Variants in KPNA5 observed in about 807,000 individuals in gnomAD.
KPNA5 encodes karyopherin subunit alpha 5, also known as importin subunit alpha-6.
Under a neutral mutation model 71.3 loss-of-function variants are expected in KPNA5, and 46 were observed. The observed-to-expected ratio is 0.65, with a 90% CI of 0.51 to 0.83. The LOEUF (loss-of-function observed/expected upper bound fraction) is 0.83. Ranked by LOEUF, KPNA5 falls within the 40% of genes least tolerant of loss-of-function variation. The pLI, the probability that KPNA5 is intolerant of heterozygous loss-of-function variation, is 0.00. For synonymous variants in KPNA5, 207 were observed against 201.4 expected (o/e 1.03, Z -0.24); for missense variants, 547 against 628.3 (o/e 0.87, Z 1.38).
chr6:116,719,173 C>T (rs182700273), intron 8 of KPNA5, among the ~76,000 whole-genome samples: 2 of 152,238 alleles, frequency 1.3e-5, no homozygotes, highest in African/African-American at 4.8e-5. Flanking sequence ...GAATTCTGTT[C>T]TTTTATGGAC....
intron 7 of KPNA5, among the ~76,000 whole-genome samples, chr6:116,710,046 A>T (rs1316088505): frequency 6.6e-6 from 1 of 152,204 alleles, no homozygotes; most frequent in East Asian, 1.9e-4. Context: ...GGCATGAGTC[A>T]CTGTGCCTGA....
rs1203542175 is a variant in KPNA5, at chr6:116,735,630, T to G, written c.*3307T>G. ...ACTATATTAAAAATAATAAAATATTTTAAAATTGCATTTATATAAATGTGT... is the reference window on the plus strand; with the variant it reads ...ACTATATTAAAAATAATAAAATATTGTAAAATTGCATTTATATAAATGTGT... On this transcript the variant is annotated 3_prime_UTR_variant, in exon 14 of 14. Transcript: ENST00000368564. 4 of 151,760 alleles carry G rather than the reference T, an allele frequency of 2.6e-5. No individual in the cohort carries two copies. The highest frequency in any genetic ancestry group is 5.9e-5 in the Non-Finnish European group (4 of 67,742). 9.4% of individuals were successfully genotyped at this position (151,760 alleles called of 1,614,324 possible). A position where few individuals can be genotyped will look rare whatever the true frequency, so the allele number is the denominator to read the frequency against.
At chr6:116,698,369 A>G (rs1275034949) in intron 4 of KPNA5, among the ~76,000 whole-genome samples, 1 of 152,064 alleles carries the variant, frequency 6.6e-6, no homozygotes, top group African/African-American at 2.4e-5. Context: ...ATTAGTGGAA[A>G]CTTAATTCCT....
chr6:116,706,027 G>GT (rs1317525884), intron 7 of KPNA5, among the ~76,000 whole-genome samples: 2 of 152,200 alleles, frequency 1.3e-5, no homozygotes, highest in Non-Finnish European at 2.9e-5. Flanking sequence ...TGGGCTTAAA[G>GT]TTAATGGTCC....
At chr6:116,726,770 C>A in intron 12 of KPNA5, 148 bp downstream of exon 12, 1 of 720,460 alleles carries the variant, frequency 1.4e-6, no homozygotes, top group Non-Finnish European at 2.1e-6. Flanking sequence ...ATCAGTTACT[C>A]ATTCACAATT....
chr6:116,701,237 A>C (rs887298734), intron 5 of KPNA5, among the ~76,000 whole-genome samples: 1 of 152,176 alleles, frequency 6.6e-6, no homozygotes, highest in African/African-American at 2.4e-5. Flanking sequence ...AATATTAAAA[A>C]AATTTTTTTC....
At chr6:116,701,662 T>G (rs1201475733) in intron 5 of KPNA5, among the ~76,000 whole-genome samples, 2 of 152,168 alleles carry the variant, frequency 1.3e-5, no homozygotes, top group Non-Finnish European at 1.5e-5. Flanking sequence ...GTAGTGTCTC[T>G]TATTTATTTT....
At chr6:116,722,596 A>G (rs932933922) in intron 9 of KPNA5, among the ~76,000 whole-genome samples, 1 of 152,212 alleles carries the variant, frequency 6.6e-6, no homozygotes. Flanking sequence ...GTTGTGTGAG[A>G]CATTAATGAA....
rs1387620552 is a variant in KPNA5 at position 116,737,252 on chromosome 6, A to G, written c.*4929A>G. ...TCTATTACCCTATGAATTACAAGGG[A>G]TTTTCACTTTGGCTAGTGGAACTTA... is the stretch of plus-strand genomic sequence containing the variant. On this transcript the variant is annotated 3_prime_UTR_variant, in exon 14 of 14. Transcript: ENST00000368564. 1 of 151,818 alleles carries G rather than the reference A, an allele frequency of 6.6e-6. No individual in the cohort carries two copies. The highest frequency in any genetic ancestry group is 1.5e-5 in the Non-Finnish European group (1 of 67,910). 9.4% of individuals were successfully genotyped at this position (151,818 alleles called of 1,614,324 possible). A position where few individuals can be genotyped will look rare whatever the true frequency, so the allele number is the denominator to read the frequency against.
intron 13 of KPNA5, among the ~76,000 whole-genome samples, chr6:116,730,113 GTTTTAC>G (rs1217198059): frequency 7.9e-6 from 1 of 126,192 alleles, no homozygotes; most frequent in Non-Finnish European, 1.6e-5. Flanking sequence ...TTGAGACACA[GTTTTAC>G]TCCGTCTCCC....
chr6:116,687,392 A>T (rs1333355143), intron 1 of KPNA5, among the ~76,000 whole-genome samples: 1 of 152,196 alleles, frequency 6.6e-6, no homozygotes, highest in African/African-American at 2.4e-5. Context: ...ACCAGATGTT[A>T]AGGGTCAGGG....
chr6:116,690,848 T>C (rs1777772702), intron 2 of KPNA5, among the ~76,000 whole-genome samples: 1 of 152,220 alleles, frequency 6.6e-6, no homozygotes, highest in Non-Finnish European at 1.5e-5. Flanking sequence ...CATCCTCTTG[T>C]ATATTTTGAG....
In KPNA5 at chr6:116,740,648, G is replaced by A. The variant is rs1323774458; in HGVS notation, c.*8325G>A. Reference sequence around the variant, plus strand: ...AGAAAATGTGGCACATATACACCATGGAATACTATGCAGCCATAAAAAATG... The same window carrying A: ...AGAAAATGTGGCACATATACACCATAGAATACTATGCAGCCATAAAAAATG... On this transcript the variant is annotated 3_prime_UTR_variant, in exon 14 of 14. Transcript: ENST00000368564. The A allele has an allele frequency of 1.3e-5, 2 of 152,124 alleles. No individual in the cohort carries two copies. Among genetic ancestry groups the A allele is most frequent in the Non-Finnish European group, 1.5e-5 (1 of 68,018 alleles). 9.4% of individuals were successfully genotyped at this position (152,124 alleles called of 1,614,324 possible). A position where few individuals can be genotyped will look rare whatever the true frequency, so the allele number is the denominator to read the frequency against.
chr6:116,716,127 T>C (rs1778874881), intron 7 of KPNA5, 92 bp from the exon 8 acceptor site: 2 of 896,096 alleles, frequency 2.2e-6, no homozygotes, highest in Admixed American at 5.0e-5. Flanking sequence ...GAATATCTTA[T>C]AAAATATATT....
intron 4 of KPNA5, among the ~76,000 whole-genome samples, chr6:116,695,862 A>C (rs1778007391): frequency 6.6e-6 from 1 of 152,098 alleles, no homozygotes; most frequent in South Asian, 2.1e-4. Context: ...TGATAACAGA[A>C]TTTCTTTAGA....
chr6:116,695,149 C>T (rs920407898), intron 4 of KPNA5, among the ~76,000 whole-genome samples: 2 of 151,974 alleles, frequency 1.3e-5, no homozygotes, highest in Non-Finnish European at 2.9e-5. Context: ...TGTCATATTG[C>T]CCAGGCTGGT....
chr6:116,729,231 A>G (rs1028682598), intron 12 of KPNA5, among the ~76,000 whole-genome samples: 1 of 150,454 alleles, frequency 6.6e-6, no homozygotes, highest in African/African-American at 2.4e-5. Flanking sequence ...AAAAAAAAAA[A>G]AAAACAACCT....
At chr6:116,716,107 T>G in intron 7 of KPNA5, 112 bp from the exon 8 acceptor site, 1 of 718,548 alleles carries the variant, frequency 1.4e-6, no homozygotes. Context: ...TTTTCCTATT[T>G]TGCTAGTTTG....
At chr6:116,714,087 C>T (rs1385760416) in intron 7 of KPNA5, among the ~76,000 whole-genome samples, 3 of 151,988 alleles carry the variant, frequency 2.0e-5, no homozygotes, top group Non-Finnish European at 4.4e-5. Context: ...GTTAATGGAC[C>T]ACACTTTTAA....
Sources: gnomAD v4.1 joint callset for allele counts (sites outside exome capture counted in the v4.1 genomes callset) on GRCh38, gnomAD v4.1.1 for gene constraint, MANE v1.5 for transcripts, NCBI Gene and HGNC (gene_info 2026-07-23, HGNC 2026-07-21) for gene names.